The following COL4A4 variants were observed in gnomAD, a reference collection of about 807,000 sequenced individuals.
The protein encoded by COL4A4 is collagen alpha-4(IV) chain.
Under a neutral mutation model 192.9 loss-of-function variants are expected in COL4A4, and 105 were observed. The ratio of observed to expected loss-of-function variants is 0.54; its 90% CI spans 0.46 to 0.64. The LOEUF (loss-of-function observed/expected upper bound fraction) is 0.64, where lower values mean the gene tolerates loss of function less well. Ranked by LOEUF, COL4A4 falls within the 30% of genes least tolerant of loss-of-function variation. The pLI, the probability that COL4A4 is intolerant of heterozygous loss-of-function variation, is 0.00. For synonymous variants in COL4A4, 762 were observed against 769.9 expected, an observed-to-expected ratio of 0.99 and a Z score of 0.17; for missense variants, 1,967 against 2,169.3, an observed-to-expected ratio of 0.91 and a Z score of 1.85.
intron 43 of COL4A4, among the ~76,000 whole-genome samples, chr2:227,023,093 A>G (rs1575822122): frequency 6.6e-6 from 1 of 152,150 alleles, no homozygotes; most frequent in African/African-American, 2.4e-5. Context: ...GGGGCCATGT[A>G]CATCTCTAAC....
intron 1 of COL4A4, among the ~76,000 whole-genome samples, chr2:227,154,891 G>T (rs1339516748): frequency 1.3e-5 from 2 of 152,090 alleles, no homozygotes; most frequent in Non-Finnish European, 2.9e-5. Flanking sequence ...CTGGTTACTT[G>T]GTTTTGCTCT....
chr2:226,989,505 G>C, the COL4A4 span, among the ~76,000 whole-genome samples: 6 of 152,200 alleles, frequency 3.9e-5, no homozygotes, highest in South Asian at 4.1e-4. Flanking sequence ...TTGTGAAAAT[G>C]AATCAAGTTA....
In COL4A4 at chr2:227,057,598, GC is replaced by G. The variant is rs1975778377; in HGVS notation, c.2385del (p.Pro796GlnfsTer8). The G allele has an allele frequency of 6.2e-7, 1 of 1,614,082 alleles. No individual in the cohort carries two copies. Among genetic ancestry groups the G allele is most frequent in the Non-Finnish European group, 8.5e-7 (1 of 1,179,992 alleles). On this transcript the variant is annotated frameshift_variant and splice_region_variant, in exon 29 of 48. Transcript: ENST00000396625. LOFTEE classifies it high-confidence loss of function. ...RGDPGCPGAE[G>X]PAGIPGFLGL... ...CCTAGGAATCCAGGAATGCCAGCTGGCCCTGAAATGATACAATACATCCATG... is the reference window on the plus strand; with the variant it reads ...CCTAGGAATCCAGGAATGCCAGCTGGCCTGAAATGATACAATACATCCATG...
intron 8 of COL4A4, among the ~76,000 whole-genome samples, chr2:227,112,343 A>G (rs1284647788): frequency 6.7e-6 from 1 of 148,798 alleles, no homozygotes; most frequent in Non-Finnish European, 1.5e-5. Flanking sequence ...ATCTCCCTTC[A>G]CTGCAACCTC....
intron 27 of COL4A4, 35 bp downstream of exon 27, chr2:227,060,101 G>GACAAA: frequency 2.0e-6 from 1 of 503,760 alleles, no homozygotes; most frequent in Non-Finnish European, 3.1e-6. Context: ...TCCCAAAGCA[G>GACAAA]AAAAAAAAAA....
intron 44 of COL4A4, among the ~76,000 whole-genome samples, chr2:227,013,016 C>G (rs1305555579): frequency 6.6e-6 from 1 of 152,130 alleles, no homozygotes; most frequent in Non-Finnish European, 1.5e-5. Context: ...ACCACCAGAC[C>G]CTGCGCCTGA....
chr2:227,047,613 C>G, intron 34 of COL4A4, 64 bp from the exon 35 acceptor site: 1 of 1,102,740 alleles, frequency 9.1e-7, no homozygotes, highest in Non-Finnish European at 1.4e-6. Context: ...ATACAGGTGA[C>G]AGTAACGTTT....
Position 227,003,802 on chromosome 2 carries a change from A to G in COL4A4, c.*3523T>C, listed in dbSNP as rs1961505565. 6.6e-6 allele frequency: 1 copy of G among 152,118 alleles called. No individual in the cohort carries two copies. Among genetic ancestry groups the G allele is most frequent in the African/African-American group, 2.4e-5 (1 of 41,422 alleles). The allele number at this position is 152,118 out of a possible 1,614,324, so 9.4% of individuals were successfully genotyped here. On this transcript the variant is annotated 3_prime_UTR_variant, in exon 48 of 48. Coordinates refer to ENST00000396625, the MANE Select transcript of COL4A4 (RefSeq NM_000092.5). ...AGGGTCTTCTCAGTCGGATCTCTCA[A>G]ATCTCATTTCTGAAATTTCTGTTTA... is the stretch of plus-strand genomic sequence containing the variant.
At chr2:227,158,907 T>C (rs1010360419) in intron 1 of COL4A4, among the ~76,000 whole-genome samples, 2 of 152,210 alleles carry the variant, frequency 1.3e-5, no homozygotes, top group Admixed American at 6.5e-5. Flanking sequence ...AAACTATTTC[T>C]TTTATAATTA....
intron 25 of COL4A4, among the ~76,000 whole-genome samples, chr2:227,072,811 A>G (rs999161889): frequency 3.3e-5 from 5 of 151,970 alleles, no homozygotes; most frequent in African/African-American, 9.7e-5. Context: ...CACATGATCA[A>G]TAGATGCAGA....
intron 1 of COL4A4, among the ~76,000 whole-genome samples, chr2:227,159,041 C>T (rs987608632): frequency 6.6e-6 from 1 of 151,922 alleles, no homozygotes; most frequent in Non-Finnish European, 1.5e-5. Context: ...TGTAGTAGCC[C>T]CAAACTGGAA....
At chr2:227,042,348 G>A (rs190896761) in intron 36 of COL4A4, 93 bp from the exon 37 acceptor site, 200 of 739,766 alleles carry the variant, frequency 2.7e-4, no homozygotes, top group Non-Finnish European at 4.1e-4. Flanking sequence ...TATGGGTAAC[G>A]GAGAACACTG....
At chr2:227,125,814 G>GT (rs2062051964) in intron 4 of COL4A4, among the ~76,000 whole-genome samples, 1 of 152,130 alleles carries the variant, frequency 6.6e-6, no homozygotes, top group African/African-American at 2.4e-5. Context: ...TGCCTCTGCA[G>GT]TAACACTCTC....
At chr2:226,983,891 T>C in the COL4A4 span, among the ~76,000 whole-genome samples, 4 of 152,332 alleles carry the variant, frequency 2.6e-5, no homozygotes, top group Non-Finnish European at 4.4e-5. Context: ...AAAATGCTTC[T>C]TTATACCTTT....
the COL4A4 span, among the ~76,000 whole-genome samples, chr2:226,978,376 A>G: frequency 6.6e-6 from 1 of 152,178 alleles, no homozygotes; most frequent in Non-Finnish European, 1.5e-5. Flanking sequence ...TGGATGGTAA[A>G]GGGAAACATG....
intron 35 of COL4A4, among the ~76,000 whole-genome samples, chr2:227,045,803 TATATATATATATA>T (rs1972399068): frequency 2.4e-5 from 1 of 42,220 alleles, no homozygotes; most frequent in African/African-American, 1.3e-4. Context: ...TATATACACA[TATATATATATATA>T]CACATATATA....
At chr2:227,118,882 GA>G (rs1032444236) in intron 6 of COL4A4, 121 bp from the exon 7 acceptor site, 6 of 743,468 alleles carry the variant, frequency 8.1e-6, no homozygotes, top group Non-Finnish European at 1.4e-5. Flanking sequence ...TTAGTTTTGT[GA>G]AACTTTCTCT....
chr2:227,150,352 C>G (rs1195039299), intron 1 of COL4A4, among the ~76,000 whole-genome samples: 1 of 152,058 alleles, frequency 6.6e-6, no homozygotes, highest in Non-Finnish European at 1.5e-5. Flanking sequence ...AAAAGTGAAT[C>G]AATTTAAGTA....
Position 227,060,252 on chromosome 2 carries a change from T to C in COL4A4, c.2057-9A>G. ...TGGAAATCCCTTCGGACCTAAACAA[T>C]AATAAAAACAAAACACAGACTCAAT... is the stretch of plus-strand genomic sequence containing the variant. On this transcript the variant is annotated splice_polypyrimidine_tract_variant and intron_variant, in intron 26 of 47. Coordinates refer to ENST00000396625, the MANE Select transcript of COL4A4 (RefSeq NM_000092.5). The C allele has an allele frequency of 6.3e-7, 1 of 1,591,710 alleles. No homozygotes were observed. Among genetic ancestry groups the C allele is most frequent in the Non-Finnish European group, 8.6e-7 (1 of 1,160,888 alleles).
Sources: allele counts gnomAD v4.1 joint callset (sites outside exome capture counted in the v4.1 genomes callset), GRCh38; gene constraint gnomAD v4.1.1; transcripts MANE v1.5; gene names NCBI Gene and HGNC (gene_info 2026-07-23, HGNC 2026-07-21).